The following CYB5B variants were observed in gnomAD, a reference collection of about 807,000 sequenced individuals.
CYB5B encodes cytochrome b5 type B (outer mitochondrial membrane).
A neutral mutation model predicts 21.3 loss-of-function variants in CYB5B; 14 were observed. That is an observed-to-expected ratio of 0.66 (90% CI 0.43 to 1.03). The LOEUF is 1.03. CYB5B is among the 50% of genes least tolerant of loss of function. CYB5B has a pLI of 0.00. For synonymous variants in CYB5B, 69 were observed against 68.4 expected (o/e 1.01, Z -0.04); for missense variants, 166 against 185.1 (o/e 0.90, Z 0.60).
intron 3 of CYB5B, among the ~76,000 whole-genome samples, chr16:69,453,636 A>G (rs979637008): frequency 6.6e-6 from 1 of 151,802 alleles, no homozygotes; most frequent in East Asian, 1.9e-4. Context: ...CGGCTCTGCA[A>G]CCTCCGCCTC....
chr16:69,455,049 A>G (rs2014969895), intron 3 of CYB5B, among the ~76,000 whole-genome samples: 1 of 152,040 alleles, frequency 6.6e-6, no homozygotes, highest in African/African-American at 2.4e-5. Flanking sequence ...GTGTGCCACC[A>G]CACCCAGCTA....
chr16:69,443,091 A>G (rs962938431), intron 1 of CYB5B: 2 of 151,984 alleles, frequency 1.3e-5, no homozygotes. Context: ...GAGCGCCAGC[A>G]TACCCAGCTA....
intron 3 of CYB5B, among the ~76,000 whole-genome samples, chr16:69,451,315 C>T (rs2014928784): frequency 6.6e-6 from 1 of 152,154 alleles, no homozygotes; most frequent in African/African-American, 2.4e-5. Context: ...GTTTGCCTGC[C>T]TGCTTGCCTG....
chr16:69,427,269 G>A (rs2014657239), intron 1 of CYB5B, among the ~76,000 whole-genome samples: 1 of 152,070 alleles, frequency 6.6e-6, no homozygotes, highest in East Asian at 1.9e-4. Flanking sequence ...TTTTTCATTT[G>A]TGGTTTTATT....
chr16:69,431,695 C>T (rs1026072407), intron 1 of CYB5B, among the ~76,000 whole-genome samples: 2 of 152,054 alleles, frequency 1.3e-5, no homozygotes. Context: ...GGGCTTGAGG[C>T]CAGGACATCG....
At chr16:69,451,819 C>T (rs1372702529) in intron 3 of CYB5B, among the ~76,000 whole-genome samples, 1 of 151,742 alleles carries the variant, frequency 6.6e-6, no homozygotes, top group Non-Finnish European at 1.5e-5. Context: ...GCCGTGGCGG[C>T]GGGCAACTGT....
chr16:69,433,732 A>G (rs1215421665), intron 1 of CYB5B, among the ~76,000 whole-genome samples: 3 of 152,240 alleles, frequency 2.0e-5, no homozygotes, highest in Admixed American at 6.5e-5. Flanking sequence ...CAAATGTCTC[A>G]TCTGTATAAT....
At chr16:69,458,863 A>T (rs562855775) in intron 3 of CYB5B, among the ~76,000 whole-genome samples, 6 of 152,222 alleles carry the variant, frequency 3.9e-5, no homozygotes, top group Non-Finnish European at 1.5e-5. Context: ...TGCTTTCATT[A>T]GTGATTCTTC....
At chr16:69,434,869 A>AAG (rs977324162) in intron 1 of CYB5B, among the ~76,000 whole-genome samples, 7 of 151,794 alleles carry the variant, frequency 4.6e-5, no homozygotes, top group Admixed American at 3.3e-4. Context: ...TCTCAAAAAA[A>AAG]AAAAAAAAAA....
rs748814259 is a variant in CYB5B at position 69,447,200 on chromosome 16, T to C, written c.225T>C (p.Ser75=). 9 of 1,613,962 alleles carry C rather than the reference T, an allele frequency of 5.6e-6. No individual in the cohort carries two copies. Among genetic ancestry groups the C allele is most frequent in the Non-Finnish European group, 7.6e-6 (9 of 1,180,004 alleles). ...TGGAACAAGCTGGTGTAGATGCAAG[T>C]GAAAGCTTTGAAGATGTAGGACACT... is the stretch of plus-strand genomic sequence containing the variant. ...VLLEQAGVDA[S]ESFEDVGHSS... is the part of the protein sequence containing the mutation. The change falls in exon 2 of 5, where the codon AGT becomes AGC. Residue 75 remains serine, a synonymous_variant. Coordinates refer to ENST00000307892, the MANE Select transcript of CYB5B (RefSeq NM_030579.3).
chr16:69,452,049 C>T (rs560202308), intron 3 of CYB5B, among the ~76,000 whole-genome samples: 4 of 151,538 alleles, frequency 2.6e-5, no homozygotes, highest in Non-Finnish European at 5.9e-5. Context: ...GTTTACTCTT[C>T]CAAAGATTCC....
intron 3 of CYB5B, among the ~76,000 whole-genome samples, chr16:69,453,521 T>C (rs2014955521): frequency 6.6e-6 from 1 of 152,160 alleles, no homozygotes; most frequent in Admixed American, 6.5e-5. Flanking sequence ...GAATTTTGTC[T>C]GGTTATTTCC....
chr16:69,424,917 G>A, intron 1 of CYB5B, 60 bp downstream of exon 1: 1 of 1,455,636 alleles, frequency 6.9e-7, no homozygotes. Context: ...AAAAGGCTGT[G>A]TGGAGTGTAT....
At chr16:69,441,102 GACATTA>G (rs1597282182) in intron 1 of CYB5B, among the ~76,000 whole-genome samples, 1 of 150,988 alleles carries the variant, frequency 6.6e-6, no homozygotes, top group African/African-American at 2.4e-5. Context: ...CCAGGATATT[GACATTA>G]ATCAGTCCAC....
intron 3 of CYB5B, among the ~76,000 whole-genome samples, chr16:69,458,628 T>C (rs1179930968): frequency 6.6e-6 from 1 of 152,184 alleles, no homozygotes. Context: ...ATTTTTGTGA[T>C]CTACAAGCAA....
At chr16:69,462,405 T>A (rs759331289) in intron 4 of CYB5B, 25 bp from the exon 5 acceptor site, 4 of 1,558,910 alleles carry the variant, frequency 2.6e-6, no homozygotes, top group Non-Finnish European at 3.5e-6. Context: ...TTAACAACTT[T>A]ATTGCTTTCT....
At chr16:69,442,200 A>G (rs1597282520) in intron 1 of CYB5B, among the ~76,000 whole-genome samples, 1 of 152,200 alleles carries the variant, frequency 6.6e-6, no homozygotes, top group Non-Finnish European at 1.5e-5. Context: ...ATTAGTTATA[A>G]TTAATAATGC....
chr16:69,428,779 G>A (rs2014675010), intron 1 of CYB5B, among the ~76,000 whole-genome samples: 1 of 152,170 alleles, frequency 6.6e-6, no homozygotes, highest in African/African-American at 2.4e-5. Context: ...ACTAAGTAAA[G>A]GCCAGGAGCA....
chr16:69,457,461 A>G (rs968425306), intron 3 of CYB5B, among the ~76,000 whole-genome samples: 2 of 152,208 alleles, frequency 1.3e-5, no homozygotes, highest in Admixed American at 6.5e-5. Flanking sequence ...TAGCTAAAGC[A>G]TAAAAGACCA....
Sources: gnomAD v4.1 joint callset for allele counts (sites outside exome capture counted in the v4.1 genomes callset) on GRCh38, gnomAD v4.1.1 for gene constraint, MANE v1.5 for transcripts, NCBI Gene and HGNC (gene_info 2026-07-23, HGNC 2026-07-21) for gene names.